Variants in KLF12 observed in about 807,000 individuals in gnomAD.
KLF12 encodes the protein KLF transcription factor 12, also known as Krueppel-like factor 12.
KLF12 carries 9 observed loss-of-function variants against 37.8 expected under a neutral mutation model. That is an observed-to-expected ratio of 0.24 (90% confidence interval 0.14 to 0.42). KLF12 has a LOEUF of 0.42. Ranked by LOEUF, KLF12 falls within the 10% of genes least tolerant of loss-of-function variation. KLF12 has a pLI of 1.00. For missense variants in KLF12, 411 were observed against 516.0 expected, an observed-to-expected ratio of 0.80 and a Z score of 1.97; for synonymous variants, 208 against 202.1, an observed-to-expected ratio of 1.03 and a Z score of -0.25.
At chr13:74,070,143 A>C (rs573077689) in intron 1 of KLF12, among the ~76,000 whole-genome samples, 4 of 152,336 alleles carry the variant, frequency 2.6e-5, no homozygotes, top group Non-Finnish European at 5.9e-5. Context: ...AAATTTAGAG[A>C]CAAGAAGGAG....
chr13:74,244,760 A>G, the KLF12 span, among the ~76,000 whole-genome samples: 1 of 152,062 alleles, frequency 6.6e-6, no homozygotes, highest in Admixed American at 6.5e-5. Context: ...TGCTAGGACA[A>G]TTTTTCAACT....
chr13:73,757,334 C>T (rs181733962), intron 6 of KLF12, among the ~76,000 whole-genome samples: 81 of 152,142 alleles, frequency 5.3e-4, no homozygotes, highest in Admixed American at 2.2e-3. Flanking sequence ...TTTATAAATA[C>T]GTTGCACGCT....
chr13:74,301,983 T>A, the KLF12 span, among the ~76,000 whole-genome samples: 2 of 152,156 alleles, frequency 1.3e-5, no homozygotes, highest in African/African-American at 4.8e-5. Context: ...TTACTTCTGA[T>A]CACCCAGGGA....
chr13:74,035,508 A>G (rs1237551122), intron 1 of KLF12, among the ~76,000 whole-genome samples: 1 of 152,182 alleles, frequency 6.6e-6, no homozygotes, highest in East Asian at 1.9e-4. Flanking sequence ...GGAGGAAGAA[A>G]AATTCATAGT....
chr13:73,865,683 GAACA>G (rs1886140050), intron 3 of KLF12, among the ~76,000 whole-genome samples: 1 of 151,974 alleles, frequency 6.6e-6, no homozygotes, highest in Non-Finnish European at 1.5e-5. Flanking sequence ...AGAAAAATAA[GAACA>G]AATTAAAAAT....
chr13:73,953,998 A>G (rs576343482), intron 2 of KLF12, among the ~76,000 whole-genome samples: 121 of 62,180 alleles, frequency 1.9e-3, no homozygotes, highest in Non-Finnish European at 2.8e-3. Context: ...TTTTTTTTTG[A>G]GACGGAGTCT....
intron 7 of KLF12, among the ~76,000 whole-genome samples, chr13:73,710,735 C>T (rs1384270244): frequency 8.2e-6 from 1 of 121,884 alleles, no homozygotes; most frequent in Non-Finnish European, 1.7e-5. Context: ...CCCCCTATTC[C>T]TTGAGACACA....
the KLF12 span, among the ~76,000 whole-genome samples, chr13:74,238,777 A>G: frequency 3.9e-5 from 6 of 152,116 alleles, no homozygotes; most frequent in East Asian, 5.8e-4. Context: ...CTGTGGGATC[A>G]GTGGTGATAT....
At chr13:73,732,436 T>A (rs7984989) in intron 6 of KLF12, among the ~76,000 whole-genome samples, 118,712 of 152,026 alleles carry the variant, frequency 0.78, 46,522 homozygotes, top group Middle Eastern at 0.9. Flanking sequence ...GGTTCAGTCA[T>A]GTTAAGTAAC....
At chr13:73,973,397 G>C (rs1182269440) in intron 2 of KLF12, among the ~76,000 whole-genome samples, 1 of 152,164 alleles carries the variant, frequency 6.6e-6, no homozygotes, top group Non-Finnish European at 1.5e-5. Context: ...TATCTGAGTG[G>C]CTCTTTGAAA....
At chr13:74,004,007 G>C (rs1033303018) in intron 1 of KLF12, among the ~76,000 whole-genome samples, 9 of 152,098 alleles carry the variant, frequency 5.9e-5, no homozygotes, top group Non-Finnish European at 1.5e-5. Context: ...TAATTATTGA[G>C]AGTAAGCAGG....
At chr13:73,782,161 T>C (rs1881006098) in intron 5 of KLF12, among the ~76,000 whole-genome samples, 1 of 152,206 alleles carries the variant, frequency 6.6e-6, no homozygotes, top group Admixed American at 6.5e-5. Flanking sequence ...TCTGCACTTA[T>C]TGATTATGTG....
chr13:73,959,968 A>G (rs1456564095), intron 2 of KLF12, among the ~76,000 whole-genome samples: 1 of 152,182 alleles, frequency 6.6e-6, no homozygotes, highest in East Asian at 1.9e-4. Context: ...ATTAACTTGA[A>G]ACCCTACTAA....
At chr13:74,303,573 T>C in the KLF12 span, among the ~76,000 whole-genome samples, 6 of 152,126 alleles carry the variant, frequency 3.9e-5, no homozygotes, top group African/African-American at 1.2e-4. Context: ...TATACTTTTT[T>C]TGATGAAATG....
At chr13:74,261,592 T>C in the KLF12 span, among the ~76,000 whole-genome samples, 4,941 of 152,302 alleles carry the variant, frequency 0.032, 110 homozygotes, top group Middle Eastern at 0.071. Context: ...GAACAACATA[T>C]AAAGACTGTA....
At chr13:74,139,747 T>TA in the KLF12 span, among the ~76,000 whole-genome samples, 6 of 151,934 alleles carry the variant, frequency 3.9e-5, no homozygotes, top group South Asian at 4.1e-4. Flanking sequence ...AAATTTGTTT[T>TA]AAAAAAAATG....
intron 3 of KLF12, among the ~76,000 whole-genome samples, chr13:73,882,988 G>A (rs1887052265): frequency 6.6e-6 from 1 of 151,990 alleles, no homozygotes; most frequent in African/African-American, 2.4e-5. Flanking sequence ...TTTGTAAATC[G>A]TCTTCTGTTA....
In KLF12 at chr13:73,942,549, G is replaced by A. The variant is rs563549333; in HGVS notation, c.123+1432C>T. 9.2e-5 allele frequency among the ~76,000 whole-genome samples: 14 copies of A among 152,198 alleles called. No individual in the cohort carries two copies. In the South Asian group the frequency reaches 2.9e-3, roughly 32 times the overall value. ...TTGAAACTATCTATAAGGTTTGGAAGGTATATACAATTTAACTTAGTGAAT... is the reference window on the plus strand; with the variant it reads ...TTGAAACTATCTATAAGGTTTGGAAAGTATATACAATTTAACTTAGTGAAT... On this transcript the variant is annotated intron_variant, in intron 3 of 7. Coordinates refer to ENST00000377669, the MANE Select transcript of KLF12 (RefSeq NM_007249.5).
At chr13:74,088,295 C>T (rs112954452) in intron 1 of KLF12, among the ~76,000 whole-genome samples, 294 of 151,564 alleles carry the variant, frequency 1.9e-3, no homozygotes, top group African/African-American at 4.7e-3. Context: ...GACAGTCTTG[C>T]GCTGTTGCCC....
Sources: gnomAD v4.1 joint callset for allele counts (sites outside exome capture counted in the v4.1 genomes callset) on GRCh38, gnomAD v4.1.1 for gene constraint, MANE v1.5 for transcripts, NCBI Gene and HGNC (gene_info 2026-07-23, HGNC 2026-07-21) for gene names.